The following LRMDA variants were observed in gnomAD, a reference collection of about 807,000 sequenced individuals.
The protein encoded by LRMDA is leucine rich melanocyte differentiation associated, also known as leucine-rich melanocyte differentiation-associated protein.
In LRMDA, 18 loss-of-function variants were observed where a neutral mutation model predicts 29.8. The observed-to-expected ratio is 0.60, with a 90% CI of 0.42 to 0.90. The LOEUF (loss-of-function observed/expected upper bound fraction) is 0.90, where lower values mean the gene tolerates loss of function less well. Ranked by LOEUF, LRMDA falls within the 40% of genes least tolerant of loss-of-function variation. The probability of loss-of-function intolerance (pLI) is 0.00; values close to 1 mark genes in which losing one functional copy is unlikely to be tolerated. For synonymous variants in LRMDA, 125 were observed against 109.4 expected, an observed-to-expected ratio of 1.14 and a Z score of -0.89; for missense variants, 273 against 273.9, an observed-to-expected ratio of 1.00 and a Z score of 0.02.
intron 5 of LRMDA, among the ~76,000 whole-genome samples, chr10:76,189,403 T>G (rs2132219276): frequency 6.6e-6 from 1 of 152,220 alleles, no homozygotes; most frequent in Admixed American, 6.5e-5. Flanking sequence ...TAGTTACCAG[T>G]GAGATGTGTG....
At chr10:75,521,331 C>CAGT (rs1845354808) in intron 2 of LRMDA, among the ~76,000 whole-genome samples, 1 of 152,240 alleles carries the variant, frequency 6.6e-6, no homozygotes, top group Admixed American at 6.5e-5. Flanking sequence ...TCTATAGAGG[C>CAGT]AGTAGGCCTT....
intron 5 of LRMDA, among the ~76,000 whole-genome samples, chr10:76,128,678 G>C (rs1345075293): frequency 6.6e-6 from 1 of 152,146 alleles, no homozygotes; most frequent in Non-Finnish European, 1.5e-5. Flanking sequence ...TCTCCCATCT[G>C]TGAAGATGCC....
chr10:75,635,118 G>A (rs1042186960), intron 2 of LRMDA, among the ~76,000 whole-genome samples: 5 of 152,066 alleles, frequency 3.3e-5, no homozygotes, highest in Non-Finnish European at 7.4e-5. Context: ...ACCTGTTTGG[G>A]GCAGTTTCCA....
chr10:76,163,572 G>A (rs572339063), intron 5 of LRMDA, among the ~76,000 whole-genome samples: 5 of 152,198 alleles, frequency 3.3e-5, no homozygotes, highest in African/African-American at 9.6e-5. Context: ...GTAGACAGAA[G>A]ACATCTTTCT....
At chr10:75,508,038 A>G (rs1845187915) in intron 2 of LRMDA, among the ~76,000 whole-genome samples, 1 of 152,216 alleles carries the variant, frequency 6.6e-6, no homozygotes, top group Admixed American at 6.5e-5. Flanking sequence ...TAGGGTTCGT[A>G]ACTCTTTCGC....
chr10:76,341,655 A>G lies in LRMDA; in HGVS notation c.601+17170A>G, dbSNP rs994442098. On this transcript the variant is annotated intron_variant, in intron 6 of 6. Transcript: ENST00000611255. ...TATCTCTGTAATGCCTGGGGCCTCA[A>G]TAAAAGACTTGAAGCCTGGGAGCTA... is the stretch of plus-strand genomic sequence containing the variant. Among the ~76,000 whole-genome samples, 6 of 152,208 alleles carry G rather than the reference A, an allele frequency of 3.9e-5. No homozygotes were observed. The East Asian group carries it at 5.8e-4, about 15-fold the overall frequency.
intron 5 of LRMDA, among the ~76,000 whole-genome samples, chr10:76,185,349 T>C (rs1317004470): frequency 6.6e-6 from 1 of 152,164 alleles, no homozygotes; most frequent in Non-Finnish European, 1.5e-5. Context: ...TTACATAAGA[T>C]CTTCTGCATG....
intron 1 of LRMDA, among the ~76,000 whole-genome samples, chr10:75,433,766 C>T (rs1429423775): frequency 6.6e-6 from 1 of 152,016 alleles, no homozygotes; most frequent in Non-Finnish European, 1.5e-5. Flanking sequence ...AATATAAAAA[C>T]ATGAAGCCAG....
intron 6 of LRMDA, among the ~76,000 whole-genome samples, chr10:76,462,881 T>C (rs1240919746): frequency 6.6e-6 from 1 of 152,078 alleles, no homozygotes; most frequent in Non-Finnish European, 1.5e-5. Flanking sequence ...GCTAAATCAC[T>C]TCCCGCTGTT....
At chr10:75,886,511 T>C (rs867221346) in intron 2 of LRMDA, among the ~76,000 whole-genome samples, 23 of 152,318 alleles carry the variant, frequency 1.5e-4, no homozygotes, top group Middle Eastern at 6.8e-3. Flanking sequence ...TTGTTTGTCA[T>C]GTAAAGCTGT....
chr10:76,532,780 C>T (rs1843248342), intron 6 of LRMDA, among the ~76,000 whole-genome samples: 1 of 152,124 alleles, frequency 6.6e-6, no homozygotes, highest in African/African-American at 2.4e-5. Context: ...TCAGCTTTTC[C>T]TAGGGTTAGA....
At chr10:75,744,285 C>A (rs1203707485) in intron 2 of LRMDA, among the ~76,000 whole-genome samples, 1 of 152,126 alleles carries the variant, frequency 6.6e-6, no homozygotes, top group Non-Finnish European at 1.5e-5. Context: ...TTAATAAGAT[C>A]ACATCTGTTC....
At chr10:75,741,663 C>T (rs540866211) in intron 2 of LRMDA, among the ~76,000 whole-genome samples, 3 of 152,250 alleles carry the variant, frequency 2.0e-5, no homozygotes, top group Admixed American at 6.5e-5. Flanking sequence ...TTCAGAGCAA[C>T]CGCGTTCTTA....
intron 2 of LRMDA, among the ~76,000 whole-genome samples, chr10:75,750,146 A>G (rs1212153299): frequency 3.3e-5 from 5 of 152,034 alleles, no homozygotes; most frequent in African/African-American, 1.2e-4. Flanking sequence ...TGTTGGGTAC[A>G]CCTCCCAGAC....
intron 5 of LRMDA, among the ~76,000 whole-genome samples, chr10:76,108,006 A>T (rs1849515534): frequency 6.6e-6 from 1 of 152,114 alleles, no homozygotes; most frequent in South Asian, 2.1e-4. Flanking sequence ...TCTTTATCTC[A>T]AGAGCAGCCT....
chr10:75,454,222 T>G (rs1482835763), intron 2 of LRMDA, among the ~76,000 whole-genome samples: 2 of 152,200 alleles, frequency 1.3e-5, no homozygotes, highest in African/African-American at 2.4e-5. Flanking sequence ...AGCCAGCTCC[T>G]ACACAGAAAG....
chr10:75,447,259 C>T (rs1208139492), intron 2 of LRMDA, among the ~76,000 whole-genome samples: 3 of 152,134 alleles, frequency 2.0e-5, no homozygotes, highest in African/African-American at 7.2e-5. Flanking sequence ...CCAGCTACCA[C>T]CAGAACATAC....
rs185629002 is a variant in LRMDA, at chr10:76,238,975, G to T, written c.517-85426G>T. Among the ~76,000 whole-genome samples the T allele has an allele frequency of 1.8e-3, 280 of 152,198 alleles. 2 individuals carry two copies. Among genetic ancestry groups the T allele is most frequent in the African/African-American group, 6.5e-3 (272 of 41,536 alleles). On this transcript the variant is annotated intron_variant, in intron 5 of 6. Transcript: ENST00000611255. ...TAATATTGGTGGCAATCTTAGCTAT[G>T]AATTGAGTGAACAGGTATTATGGGA...
intron 2 of LRMDA, among the ~76,000 whole-genome samples, chr10:75,917,269 A>G (rs1845949910): frequency 6.6e-6 from 1 of 152,150 alleles, no homozygotes; most frequent in Admixed American, 6.5e-5. Context: ...TCTCCAGGTG[A>G]CAGAGGCAGC....
Sources: gnomAD v4.1 joint callset for allele counts (sites outside exome capture counted in the v4.1 genomes callset) on GRCh38, gnomAD v4.1.1 for gene constraint, MANE v1.5 for transcripts, NCBI Gene and HGNC (gene_info 2026-07-23, HGNC 2026-07-21) for gene names.